PCCA: variants seen among roughly 807,000 people sequenced by gnomAD.
PCCA encodes propionyl-CoA carboxylase alpha chain, mitochondrial.
A neutral mutation model predicts 101.3 loss-of-function variants in PCCA; 74 were observed. The ratio of observed to expected loss-of-function variants is 0.73; its 90% CI spans 0.61 to 0.89. The LOEUF (loss-of-function observed/expected upper bound fraction) is 0.89. Ranked by LOEUF, PCCA falls within the 40% of genes least tolerant of loss-of-function variation. PCCA has a pLI of 0.00. For missense variants in PCCA, 891 were observed against 907.0 expected (o/e 0.98, Z 0.23); for synonymous variants, 294 against 313.6 (o/e 0.94, Z 0.66).
At chr13:100,207,008 T>C (rs2058896800) in intron 6 of PCCA, among the ~76,000 whole-genome samples, 2 of 152,222 alleles carry the variant, frequency 1.3e-5, no homozygotes, top group Non-Finnish European at 2.9e-5. Flanking sequence ...CACTCAAGTT[T>C]AACTGTTTCT....
In PCCA at chr13:100,137,718, T is replaced by C. The variant is rs572845335; in HGVS notation, c.301-17261T>C. Reference sequence around the variant, plus strand: ...CATCATTTTACCTTTAAACTACATATGTCATTATATTTGATGTGACTCTCT... The same window carrying C: ...CATCATTTTACCTTTAAACTACATACGTCATTATATTTGATGTGACTCTCT... On this transcript the variant is annotated intron_variant, in intron 4 of 23. Transcript: ENST00000376285. 2.8e-3 allele frequency among the ~76,000 whole-genome samples: 429 copies of C among 152,324 alleles called. 6 individuals are homozygous for C. Among genetic ancestry groups the C allele is most frequent in the African/African-American group, 9.8e-3 (409 of 41,582 alleles).
chr13:100,423,381 A>G (rs1595853025), intron 19 of PCCA, among the ~76,000 whole-genome samples: 1 of 152,328 alleles, frequency 6.6e-6, no homozygotes, highest in East Asian at 1.9e-4. Flanking sequence ...CTATACTTCC[A>G]TCTAGATTCC....
At chr13:100,130,130 T>G (rs558978146) in intron 4 of PCCA, among the ~76,000 whole-genome samples, 1 of 152,218 alleles carries the variant, frequency 6.6e-6, no homozygotes, top group Non-Finnish European at 1.5e-5. Flanking sequence ...TTTGCTCAAT[T>G]TCAAGCATCA....
intron 6 of PCCA, among the ~76,000 whole-genome samples, chr13:100,179,330 G>A (rs1228538996): frequency 1.3e-5 from 2 of 151,926 alleles, no homozygotes; most frequent in Non-Finnish European, 2.9e-5. Context: ...CATGCCTGCT[G>A]GGTTTTAAGG....
chr13:100,347,652 G>T (rs575093892), intron 18 of PCCA, among the ~76,000 whole-genome samples: 1 of 152,066 alleles, frequency 6.6e-6, no homozygotes, highest in African/African-American at 2.4e-5. Flanking sequence ...AGCTAAAATT[G>T]TAAATGTGAT....
rs181469725 is a variant in PCCA at position 100,255,404 on chromosome 13, C to G, written c.638-2191C>G. On this transcript the variant is annotated intron_variant, in intron 8 of 23. Coordinates refer to ENST00000376285, the MANE Select transcript of PCCA (RefSeq NM_000282.4). The stretch of plus-strand genomic sequence containing the variant: ...GAAATTCACAAATCACTGTATAGTC[C>G]AGGGTCCTTAGTAAATGACTAAAAT... Among the ~76,000 whole-genome samples, 5 of 152,178 alleles carry G rather than the reference C, an allele frequency of 3.3e-5. No individual in the cohort carries two copies. The East Asian group carries it at 9.6e-4, about 29-fold the overall frequency.
chr13:100,293,274 A>C (rs758526390), intron 12 of PCCA: 1 of 471,464 alleles, frequency 2.1e-6, no homozygotes, highest in South Asian at 1.5e-5. Flanking sequence ...AATTGTTGAA[A>C]TTCTGTGAAG....
chr13:100,342,657 C>G (rs2071558120), intron 18 of PCCA, among the ~76,000 whole-genome samples: 2 of 151,654 alleles, frequency 1.3e-5, no homozygotes, highest in Non-Finnish European at 2.9e-5. Context: ...TCCCTGCCTC[C>G]TTTTGCTTGT....
chr13:100,124,077 A>G (rs1321408285), intron 4 of PCCA, among the ~76,000 whole-genome samples: 5 of 152,240 alleles, frequency 3.3e-5, no homozygotes. Context: ...TTTTAAGTAT[A>G]AAGACTAGTA....
chr13:100,205,503 G>A (rs1423800369), intron 6 of PCCA, among the ~76,000 whole-genome samples: 10 of 148,428 alleles, frequency 6.7e-5, no homozygotes, highest in African/African-American at 2.5e-4. Context: ...TGTATTGGGT[G>A]GGACAAAAAA....
intron 6 of PCCA, among the ~76,000 whole-genome samples, chr13:100,159,888 G>A (rs556013476): frequency 1.3e-5 from 2 of 152,248 alleles, no homozygotes; most frequent in South Asian, 2.1e-4. Context: ...CAGCCTCTGC[G>A]GGGAAAGGGT....
At chr13:100,496,571 T>G (rs138115198) in intron 21 of PCCA, among the ~76,000 whole-genome samples, 1 of 152,330 alleles carries the variant, frequency 6.6e-6, no homozygotes, top group African/African-American at 2.4e-5. Context: ...TGTCCCACTG[T>G]TAATGGCATC....
intron 12 of PCCA, among the ~76,000 whole-genome samples, chr13:100,300,721 A>C (rs1286318945): frequency 6.6e-6 from 1 of 152,256 alleles, no homozygotes; most frequent in East Asian, 1.9e-4. Flanking sequence ...TTATGTTGAC[A>C]TGTATCCCTG....
chr13:100,118,077 C>T (rs2048990335), intron 4 of PCCA, among the ~76,000 whole-genome samples: 1 of 147,868 alleles, frequency 6.8e-6, no homozygotes, highest in African/African-American at 2.5e-5. Context: ...GATCGTGCCA[C>T]TGCAGTCCAG....
At chr13:100,150,499 C>T (rs1174469148) in intron 4 of PCCA, 10 of 1,291,216 alleles carry the variant, frequency 7.7e-6, no homozygotes, top group Middle Eastern at 2.7e-4. Context: ...AACGGTGGAG[C>T]GGGAGAGTAT....
chr13:100,158,979 A>G (rs976116179), intron 6 of PCCA, among the ~76,000 whole-genome samples: 2 of 139,492 alleles, frequency 1.4e-5, no homozygotes, highest in African/African-American at 3.2e-5. Context: ...TGGTGCCAGT[A>G]TTATACATTT....
intron 8 of PCCA, 114 bp from the exon 9 acceptor site, chr13:100,257,481 T>A (rs1053125297): frequency 3.1e-5 from 25 of 803,622 alleles, no homozygotes; most frequent in Non-Finnish European, 5.1e-5. Flanking sequence ...AGAAAGGAAC[T>A]TTTAAATAAA....
chr13:100,471,625 C>T (rs925449749), intron 21 of PCCA, among the ~76,000 whole-genome samples: 2 of 152,046 alleles, frequency 1.3e-5, no homozygotes, highest in Non-Finnish European at 2.9e-5. Context: ...TCAAATTTGC[C>T]CATCGGTAGA....
At chr13:100,368,433 AT>A (rs1409641236) in intron 18 of PCCA, 38 bp from the exon 19 acceptor site, 2 of 1,084,874 alleles carry the variant, frequency 1.8e-6, no homozygotes, top group African/African-American at 1.6e-5. Context: ...AAATAATAAT[AT>A]AAAATTATTA....
Sources: allele counts gnomAD v4.1 joint callset (sites outside exome capture counted in the v4.1 genomes callset), GRCh38; gene constraint gnomAD v4.1.1; transcripts MANE v1.5; gene names NCBI Gene and HGNC (gene_info 2026-07-23, HGNC 2026-07-21).